Variants in SNX7 observed in about 807,000 individuals in gnomAD.
SNX7 encodes the protein sorting nexin-7.
In SNX7, 35 loss-of-function variants were observed where a neutral mutation model predicts 48.4. That is an observed-to-expected ratio of 0.72 (90% CI 0.55 to 0.96). SNX7 has a LOEUF of 0.96. SNX7 is among the 40% of genes least tolerant of loss of function. The pLI, the probability that SNX7 is intolerant of heterozygous loss-of-function variation, is 0.00. For synonymous variants in SNX7, 190 were observed against 190.2 expected, an observed-to-expected ratio of 1.00 and a Z score of 0.01; for missense variants, 553 against 548.9, an observed-to-expected ratio of 1.01 and a Z score of -0.07.
chr1:98,661,463 C>G (rs1365778392), upstream of SNX7, among the ~76,000 whole-genome samples: 1 of 152,120 alleles, frequency 6.6e-6, no homozygotes, highest in African/African-American at 2.4e-5. Flanking sequence ...CTTTGAGTCT[C>G]TCCTCTTCTC....
At chr1:98,689,054 G>A (rs979161271) in intron 2 of SNX7, among the ~76,000 whole-genome samples, 1 of 152,080 alleles carries the variant, frequency 6.6e-6, no homozygotes, top group Non-Finnish European at 1.5e-5. Context: ...ACAGGTGCGT[G>A]CCACTACGTC....
At chr1:98,690,765 C>T (rs1488663563) in intron 2 of SNX7, among the ~76,000 whole-genome samples, 1 of 151,948 alleles carries the variant, frequency 6.6e-6, no homozygotes, top group African/African-American at 2.4e-5. Context: ...GAAAGTCATG[C>T]CAAAGATAAT....
At chr1:98,751,753 A>C (rs551812022) in intron 8 of SNX7, among the ~76,000 whole-genome samples, 1 of 152,134 alleles carries the variant, frequency 6.6e-6, no homozygotes, top group African/African-American at 2.4e-5. Context: ...GTACTGCACT[A>C]TGAGAGTCAG....
chr1:98,717,470 G>A (rs1041799745), intron 7 of SNX7, among the ~76,000 whole-genome samples: 4 of 152,128 alleles, frequency 2.6e-5, no homozygotes, highest in Admixed American at 1.3e-4. Flanking sequence ...ATTCCAAGAC[G>A]ATACTTGTAC....
chr1:98,733,706 T>C (rs1653632212), intron 7 of SNX7, among the ~76,000 whole-genome samples: 1 of 152,112 alleles, frequency 6.6e-6, no homozygotes, highest in Non-Finnish European at 1.5e-5. Flanking sequence ...GGTCCATTTC[T>C]TCCCCCTCCA....
chr1:98,752,247 T>C (rs1010248600), intron 8 of SNX7, among the ~76,000 whole-genome samples: 18 of 152,052 alleles, frequency 1.2e-4, no homozygotes, highest in Non-Finnish European at 4.4e-5. Context: ...TTCTTGAGTT[T>C]TTCCTTAGGT....
intron 7 of SNX7, among the ~76,000 whole-genome samples, chr1:98,704,356 T>G (rs1651911864): frequency 6.6e-6 from 1 of 152,228 alleles, no homozygotes; most frequent in Non-Finnish European, 1.5e-5. Context: ...TGCAGGTATT[T>G]TTTTGTTTAT....
intron 8 of SNX7, 92 bp from the exon 9 acceptor site, chr1:98,759,962 G>A (rs1655030564): frequency 3.8e-6 from 3 of 785,970 alleles, no homozygotes; most frequent in Non-Finnish European, 4.5e-6. Context: ...AGAGCAGATT[G>A]CAGTAGGAAC....
chr1:98,702,728 C>T (rs772838408), intron 7 of SNX7, among the ~76,000 whole-genome samples: 3 of 152,006 alleles, frequency 2.0e-5, no homozygotes, highest in Admixed American at 2.0e-4. Context: ...CTCTTGCCTG[C>T]CTCAGACAGT....
At chr1:98,696,879 C>T (rs1034764937) in intron 5 of SNX7, among the ~76,000 whole-genome samples, 2 of 151,950 alleles carry the variant, frequency 1.3e-5, no homozygotes, top group African/African-American at 4.8e-5. Flanking sequence ...TATAAACTAT[C>T]AATGAGTATC....
intron 8 of SNX7, among the ~76,000 whole-genome samples, chr1:98,755,070 TA>T (rs1031393948): frequency 3.3e-5 from 5 of 152,160 alleles, no homozygotes; most frequent in Admixed American, 2.6e-4. Context: ...GGAGGCTTTT[TA>T]TAATTGTCCT....
intron 1 of SNX7, among the ~76,000 whole-genome samples, chr1:98,669,445 T>C (rs11810174): frequency 0.089 from 13,581 of 152,222 alleles, 791 homozygotes; most frequent in East Asian, 0.22. Context: ...TCTGATCATA[T>C]TGTCACCATT....
At position 98,691,338 on chromosome 1, in the gene SNX7, A is replaced by T. The variant is rs559702287; in HGVS notation, c.474+153A>T. On this transcript the variant is annotated intron_variant, in intron 3 of 8. Transcript: ENST00000306121. ...TTTCTAAGTGTTTCAATCAATGTAC[A>T]TTTTTTTTTTAAAAAAAACTCTTCA... is the stretch of plus-strand genomic sequence containing the variant. 6.0e-5 allele frequency among the ~76,000 whole-genome samples: 9 copies of T among 150,122 alleles called. No individual in the cohort carries two copies. The South Asian group carries it at 8.4e-4, about 14-fold the overall frequency.
chr1:98,661,776 C>G lies in SNX7; in HGVS notation c.45C>G (p.Leu15=). Residue 15 remains leucine (L), a synonymous_variant, in exon 1 of 9, where the codon CTC becomes CTG. Coordinates refer to ENST00000306121, the MANE Select transcript of SNX7 (RefSeq NM_015976.5). ...CATCGCAGGCGCCCTCCTCGGGCCT[C>G]CCGGCCGGGGGCGCCAACGGGGAGA... is the stretch of plus-strand genomic sequence containing the variant. The part of the protein sequence containing the change: ...RRASQAPSSG[L]PAGGANGESP... The G allele has an allele frequency of 8.0e-7, 1 of 1,242,472 alleles. No homozygotes were observed. The highest frequency in any genetic ancestry group is 1.0e-6 in the Non-Finnish European group (1 of 986,322). The allele number at this position is 1,242,472 out of a possible 1,614,324, so 77.0% of individuals were successfully genotyped here.
intron 1 of SNX7, among the ~76,000 whole-genome samples, chr1:98,669,980 A>G (rs1464430627): frequency 2.6e-5 from 4 of 152,244 alleles, no homozygotes; most frequent in Admixed American, 2.0e-4. Context: ...ATAAATACAT[A>G]AATGAATGAC....
chr1:98,693,969 G>C (rs558449526), intron 4 of SNX7, among the ~76,000 whole-genome samples: 1 of 152,128 alleles, frequency 6.6e-6, no homozygotes, highest in Admixed American at 6.5e-5. Context: ...TACTTCTCAA[G>C]GGATATGTTT....
intron 7 of SNX7, among the ~76,000 whole-genome samples, chr1:98,706,741 C>A (rs150244924): frequency 1.3e-5 from 2 of 152,084 alleles, no homozygotes; most frequent in East Asian, 3.9e-4. Context: ...GAGTATATTT[C>A]GCAGGAAGAG....
At chr1:98,662,803 C>A in intron 1 of SNX7, 1 of 1,289,302 alleles carries the variant, frequency 7.8e-7, no homozygotes, top group African/African-American at 1.5e-5. Flanking sequence ...TTTAACGTTA[C>A]CTGGAGATAT....
chr1:98,751,235 C>T (rs1654563423), intron 8 of SNX7, among the ~76,000 whole-genome samples: 2 of 152,034 alleles, frequency 1.3e-5, no homozygotes, highest in Admixed American at 1.3e-4. Context: ...AACTTGATCA[C>T]ATCTGCTTGT....
Sources: gnomAD v4.1 joint callset for allele counts (sites outside exome capture counted in the v4.1 genomes callset) on GRCh38, gnomAD v4.1.1 for gene constraint, MANE v1.5 for transcripts, NCBI Gene and HGNC (gene_info 2026-07-23, HGNC 2026-07-21) for gene names.